ITPR1: variants seen among roughly 807,000 people sequenced by gnomAD.
The protein encoded by ITPR1 is inositol 1,4,5-trisphosphate-gated calcium channel ITPR1.
ITPR1 carries 96 observed loss-of-function variants against 318.4 expected under a neutral mutation model. That is an observed-to-expected ratio of 0.30 (90% confidence interval 0.26 to 0.36). The LOEUF (loss-of-function observed/expected upper bound fraction) is 0.36, where lower values mean the gene tolerates loss of function less well. Among genes scored for constraint, ITPR1 ranks in the 10% least tolerant of loss-of-function variants. The pLI, the probability that ITPR1 is intolerant of heterozygous loss-of-function variation, is 1.00. For missense variants in ITPR1, 2,440 were observed against 3,460.2 expected (o/e 0.71, Z 7.40); for synonymous variants, 1,312 against 1,289.9 (o/e 1.02, Z -0.37).
chr3:4,609,242 G>T (rs946955246), intron 4 of ITPR1, among the ~76,000 whole-genome samples: 1 of 145,114 alleles, frequency 6.9e-6, no homozygotes, highest in Admixed American at 6.7e-5. Context: ...TATCTTTCAG[G>T]TGGTGTTCTG....
intron 38 of ITPR1, 69 bp from the exon 39 acceptor site, chr3:4,711,688 T>A: frequency 1.2e-6 from 1 of 822,098 alleles, no homozygotes. Context: ...TTAAAATAAA[T>A]TGCTTGTGAA....
chr3:4,765,702 T>C (rs1013568483), intron 44 of ITPR1, among the ~76,000 whole-genome samples: 5 of 152,198 alleles, frequency 3.3e-5, no homozygotes, highest in African/African-American at 7.2e-5. Flanking sequence ...TGTATTTTTA[T>C]GTAAATAATT....
At chr3:4,558,375 T>C (rs2086341070) in intron 4 of ITPR1, among the ~76,000 whole-genome samples, 1 of 152,224 alleles carries the variant, frequency 6.6e-6, no homozygotes, top group African/African-American at 2.4e-5. Flanking sequence ...AATATTTACA[T>C]GGTTATAATA....
In ITPR1 at chr3:4,662,099, G is replaced by A. The variant is rs1370229725; in HGVS notation, c.1269G>A (p.Val423=). ...PVMLKIGTSP[V]KEDKEAFAIV... ...AATTTCAGATTGGCACCTCTCCTGTGAAGGAGGATAAGGAAGCATTTGCCA... is the reference window on the plus strand; with the variant it reads ...AATTTCAGATTGGCACCTCTCCTGTAAAGGAGGATAAGGAAGCATTTGCCA... Residue 423 remains valine, a synonymous_variant, in exon 15 of 62, where the codon GTG becomes GTA. Coordinates refer to ENST00000649015, the MANE Select transcript of ITPR1 (RefSeq NM_001378452.1). The A allele has an allele frequency of 1.5e-5, 24 of 1,613,360 alleles. No homozygotes were observed. Among genetic ancestry groups the A allele is most frequent in the Non-Finnish European group, 1.9e-5 (22 of 1,179,516 alleles).
intron 40 of ITPR1, 128 bp downstream of exon 40, chr3:4,717,527 T>G (rs2041862570): frequency 1.2e-6 from 1 of 804,320 alleles, no homozygotes; most frequent in East Asian, 2.4e-5. Context: ...TGGTGTGCCC[T>G]CTGGGAGTGA....
At chr3:4,678,339 A>G (rs1375335227) in intron 24 of ITPR1, among the ~76,000 whole-genome samples, 3 of 152,106 alleles carry the variant, frequency 2.0e-5, no homozygotes, top group African/African-American at 7.2e-5. Flanking sequence ...AAATATACAT[A>G]TAAAATTTGC....
intron 4 of ITPR1, among the ~76,000 whole-genome samples, chr3:4,577,458 A>AT (rs2088810260): frequency 1.3e-5 from 2 of 152,192 alleles, no homozygotes; most frequent in Non-Finnish European, 2.9e-5. Context: ...CAGGCGAACC[A>AT]TGCTGACTAG....
chr3:4,674,014 A>G (rs2094139101), intron 21 of ITPR1, among the ~76,000 whole-genome samples, 188 bp from the exon 22 acceptor site: 2 of 152,252 alleles, frequency 1.3e-5, no homozygotes, highest in Admixed American at 1.3e-4. Context: ...TTGGTGGAAG[A>G]CAGACAATAG....
At chr3:4,813,052 AT>A (rs1176840937) in intron 56 of ITPR1, 89 bp from the exon 57 acceptor site, 1 of 903,444 alleles carries the variant, frequency 1.1e-6, no homozygotes, top group Non-Finnish European at 1.9e-6. Flanking sequence ...TATGTAAAGA[AT>A]TGTTTAATCA....
intron 51 of ITPR1, among the ~76,000 whole-genome samples, chr3:4,784,527 T>C (rs2047040566): frequency 6.6e-6 from 1 of 151,500 alleles, no homozygotes; most frequent in African/African-American, 2.4e-5. Flanking sequence ...ACTGGAGAGT[T>C]TTCCCCAAGA....
Position 4,642,248 on chromosome 3 carries a change from C to A in ITPR1, c.522C>A (p.Asp174Glu). The A allele has an allele frequency of 6.4e-7, 1 of 1,558,954 alleles. No homozygotes were observed. The highest frequency in any genetic ancestry group is 2.0e-5 in the Admixed American group (1 of 50,428). Reference sequence around the variant, plus strand: ...TCTACAAGCTGCGATCCATTGGAGACAGCGTAAGTGCGGATTCTCCACCTA... The same window carrying A: ...TCTACAAGCTGCGATCCATTGGAGAAAGCGTAAGTGCGGATTCTCCACCTA... Reference protein sequence around the residue: ...QPFYKLRSIGDSVVIGDKVVL... With the variant: ...QPFYKLRSIGESVVIGDKVVL... The change falls in exon 7 of 62, where the codon GAC (aspartate) becomes GAA (glutamate). Residue 174 changes from aspartate (D) to glutamate (E), a missense_variant. This residue lies in a region of ITPR1 where 186 missense variants were observed against 323.9 expected (regional missense o/e 0.57). Coordinates refer to ENST00000649015, the MANE Select transcript of ITPR1 (RefSeq NM_001378452.1).
chr3:4,503,646 C>T (rs1314255051), intron 2 of ITPR1, among the ~76,000 whole-genome samples: 1 of 151,968 alleles, frequency 6.6e-6, no homozygotes, highest in Admixed American at 6.5e-5. Context: ...ATTTTGTGAA[C>T]AGATCCTATG....
intron 55 of ITPR1, among the ~76,000 whole-genome samples, chr3:4,807,075 C>T (rs2048602353): frequency 8.8e-6 from 1 of 114,190 alleles, no homozygotes; most frequent in African/African-American, 3.7e-5. Flanking sequence ...AAGAGGGGGA[C>T]TTACAAAGAG....
At chr3:4,617,707 G>A (rs2092439718) in intron 4 of ITPR1, among the ~76,000 whole-genome samples, 1 of 152,092 alleles carries the variant, frequency 6.6e-6, no homozygotes, top group African/African-American at 2.4e-5. Flanking sequence ...ATATTGGCTG[G>A]GCTTGGTGGC....
rs138601760 is a variant in ITPR1, at chr3:4,505,440, A to T, written c.-17+10934A>T. Among the ~76,000 whole-genome samples the T allele has an allele frequency of 8.5e-3, 1,297 of 152,220 alleles. 15 individuals carry two copies. Among genetic ancestry groups the T allele is most frequent in the African/African-American group, 0.03 (1,228 of 41,514 alleles). On this transcript the variant is annotated intron_variant, in intron 2 of 61. Coordinates refer to ENST00000649015, the MANE Select transcript of ITPR1 (RefSeq NM_001378452.1). Reference sequence around the variant, plus strand: ...ACTCCTGACCTCAAGTGATCCACCCACCTTGGCCTCCCAAAGTGTTGGGAT... The same window carrying T: ...ACTCCTGACCTCAAGTGATCCACCCTCCTTGGCCTCCCAAAGTGTTGGGAT...
At chr3:4,523,495 T>C (rs1230322639) in intron 4 of ITPR1, among the ~76,000 whole-genome samples, 1 of 152,128 alleles carries the variant, frequency 6.6e-6, no homozygotes, top group Non-Finnish European at 1.5e-5. Context: ...TGTATTGTTA[T>C]TTGCTGTAGT....
intron 4 of ITPR1, among the ~76,000 whole-genome samples, chr3:4,566,631 C>T (rs989693855): frequency 3.3e-5 from 5 of 151,766 alleles, no homozygotes; most frequent in Non-Finnish European, 7.4e-5. Flanking sequence ...CACACACACA[C>T]ACACACACAC....
chr3:4,684,071 A>T (rs2094347979), intron 28 of ITPR1, among the ~76,000 whole-genome samples: 1 of 152,198 alleles, frequency 6.6e-6, no homozygotes, highest in Admixed American at 6.5e-5. Flanking sequence ...TTGGGAATTG[A>T]CCTGTTCTCT....
intron 24 of ITPR1, among the ~76,000 whole-genome samples, chr3:4,678,631 GTTC>G (rs2094233056): frequency 1.3e-5 from 2 of 152,306 alleles, no homozygotes; most frequent in Non-Finnish European, 1.5e-5. Flanking sequence ...CCACCAGAAA[GTTC>G]TTCTGAGACT....
Sources: allele counts gnomAD v4.1 joint callset (sites outside exome capture counted in the v4.1 genomes callset), GRCh38; gene constraint gnomAD v4.1.1; regional missense constraint gnomAD v4.1.1; transcripts MANE v1.5; gene names NCBI Gene and HGNC (gene_info 2026-07-23, HGNC 2026-07-21).